DNAAF9: variants seen among roughly 807,000 people sequenced by gnomAD.
The protein encoded by DNAAF9 is shulin.
A neutral mutation model predicts 167.0 loss-of-function variants in DNAAF9; 90 were observed. The ratio of observed to expected loss-of-function variants is 0.54; its 90% CI spans 0.45 to 0.64. The LOEUF (loss-of-function observed/expected upper bound fraction) is 0.64, where lower values mean the gene tolerates loss of function less well. DNAAF9 is among the 30% of genes least tolerant of loss of function. DNAAF9 has a pLI of 0.00. For missense variants in DNAAF9, 1,315 were observed against 1,442.2 expected (o/e 0.91, Z 1.43); for synonymous variants, 491 against 508.8 (o/e 0.96, Z 0.47).
intron 10 of DNAAF9, among the ~76,000 whole-genome samples, chr20:3,336,404 GTTT>G: frequency 8.0e-6 from 1 of 125,610 alleles, no homozygotes; most frequent in South Asian, 3.0e-4. Flanking sequence ...GCTCTCTGAG[GTTT>G]TGTTCAGTTT....
intron 21 of DNAAF9, among the ~76,000 whole-genome samples, chr20:3,298,520 C>T (rs182328087): frequency 1.3e-5 from 2 of 152,182 alleles, no homozygotes; most frequent in Non-Finnish European, 2.9e-5. Flanking sequence ...GGGGCTCTCT[C>T]TGTTGCCCAG....
chr20:3,344,580 TACACACACATAC>T (rs944289066), intron 8 of DNAAF9, among the ~76,000 whole-genome samples: 3 of 98,284 alleles, frequency 3.1e-5, no homozygotes, highest in African/African-American at 8.2e-5. Flanking sequence ...ATGGAAAAAA[TACACACACATAC>T]ACACACACAC....
chr20:3,322,441 T>C (rs909783842), intron 15 of DNAAF9, among the ~76,000 whole-genome samples, 179 bp from the exon 16 acceptor site: 6 of 152,150 alleles, frequency 3.9e-5, no homozygotes, highest in African/African-American at 1.2e-4. Flanking sequence ...AAGGTGAGTA[T>C]GTCCATCCCC....
chr20:3,360,192 T>C (rs1568627145), intron 6 of DNAAF9: 1 of 152,226 alleles, frequency 6.6e-6, no homozygotes, highest in African/African-American at 2.4e-5. Flanking sequence ...CTCACTTCAT[T>C]TTATTTTTGG....
intron 20 of DNAAF9, 114 bp from the exon 21 acceptor site, chr20:3,304,657 G>C: frequency 1.6e-6 from 1 of 635,642 alleles, no homozygotes; most frequent in South Asian, 1.9e-5. Context: ...TAGCAATTAC[G>C]TTATGCGATT....
rs2069684501 is a variant in DNAAF9, at chr20:3,324,964, T to C, written c.1193A>G (p.Lys398Arg). 6 of 1,588,974 alleles carry C rather than the reference T, an allele frequency of 3.8e-6. No individual in the cohort carries two copies. The highest frequency in any genetic ancestry group is 5.2e-6 in the Non-Finnish European group (6 of 1,157,008). Residue 398 changes from lysine (K) to arginine (R), a missense_variant, in exon 14 of 37, where the codon AAG (lysine) becomes AGG (arginine). Coordinates refer to ENST00000252032, the MANE Select transcript of DNAAF9 (RefSeq NM_001009984.3). Reference protein sequence around the residue: ...YAKTSSLTKAKEVAEQTLGSG... With the variant: ...YAKTSSLTKAREVAEQTLGSG... ...TCCCAGAGTTTGCTCTGCTACCTCC[T>C]TGGCCTGTAAAATAATAAGACAGCG...
At chr20:3,336,670 C>T (rs1195768049) in intron 10 of DNAAF9, among the ~76,000 whole-genome samples, 1 of 152,102 alleles carries the variant, frequency 6.6e-6, no homozygotes, top group East Asian at 1.9e-4. Flanking sequence ...CTGCCTCAGC[C>T]TCCCGAGCAG....
At position 3,256,090 on chromosome 20, in the gene DNAAF9, C is replaced by T. The variant is rs1367763811; in HGVS notation, c.3177G>A (p.Gly1059=). 6 of 1,614,154 alleles carry T rather than the reference C, an allele frequency of 3.7e-6. No homozygotes were observed. In the South Asian group the frequency reaches 6.6e-5, roughly 18 times the overall value. Residue 1059 remains glycine (G), a synonymous_variant, in exon 34 of 37, where the codon GGG becomes GGA. Coordinates refer to ENST00000252032, the MANE Select transcript of DNAAF9 (RefSeq NM_001009984.3). ...DSKSVSQDSS[G]QQECYLVFIG... ...TGAACACAAGGTAGCACTCCTGCTG[C>T]CCGCTGCTGTCTTGAGATACGCTTT...
intron 29 of DNAAF9, among the ~76,000 whole-genome samples, chr20:3,272,853 G>A (rs772564631): frequency 3.2e-4 from 48 of 151,832 alleles, no homozygotes; most frequent in African/African-American, 1.0e-3. Context: ...ATGGAGTTTC[G>A]CTCTTGTTGC....
At chr20:3,374,209 C>A (rs905051762) in intron 5 of DNAAF9, 55 bp from the exon 6 acceptor site, 1 of 1,233,730 alleles carries the variant, frequency 8.1e-7, no homozygotes, top group African/African-American at 1.5e-5. Flanking sequence ...ATATAACAGT[C>A]TAAACCTGAC....
intron 8 of DNAAF9, among the ~76,000 whole-genome samples, chr20:3,347,625 G>A (rs1445035219): frequency 6.6e-6 from 1 of 152,120 alleles, no homozygotes; most frequent in East Asian, 1.9e-4. Context: ...GTATTGTGGA[G>A]TTTATAAAAT....
At chr20:3,314,537 G>C (rs2069470065) in intron 20 of DNAAF9, among the ~76,000 whole-genome samples, 1 of 152,174 alleles carries the variant, frequency 6.6e-6, no homozygotes, top group Non-Finnish European at 1.5e-5. Context: ...TCCTTGCTGA[G>C]ATTGGGAGAA....
chr20:3,376,946 G>A (rs902082645), intron 3 of DNAAF9, among the ~76,000 whole-genome samples: 1 of 152,214 alleles, frequency 6.6e-6, no homozygotes, highest in Non-Finnish European at 1.5e-5. Context: ...GCGCGCACCT[G>A]TAATCCCAGC....
chr20:3,342,608 C>T (rs1247599357), intron 9 of DNAAF9, among the ~76,000 whole-genome samples: 4 of 152,178 alleles, frequency 2.6e-5, no homozygotes, highest in Non-Finnish European at 5.9e-5. Context: ...CTTAAAAATA[C>T]TACCTTAAGC....
intron 29 of DNAAF9, among the ~76,000 whole-genome samples, chr20:3,278,475 C>T (rs2068709279): frequency 6.6e-6 from 1 of 152,162 alleles, no homozygotes; most frequent in Admixed American, 6.5e-5. Context: ...AATCCCAGCA[C>T]TTTGGGAGGC....
chr20:3,342,644 T>C (rs1352447627), intron 9 of DNAAF9, among the ~76,000 whole-genome samples: 1 of 152,142 alleles, frequency 6.6e-6, no homozygotes, highest in African/African-American at 2.4e-5. Flanking sequence ...CTTTTAAAAG[T>C]AAGCATGGCT....
intron 7 of DNAAF9, among the ~76,000 whole-genome samples, chr20:3,349,372 ACT>A (rs576754630): frequency 1.3e-5 from 2 of 151,928 alleles, no homozygotes; most frequent in Non-Finnish European, 2.9e-5. Flanking sequence ...ACAGAACGAG[ACT>A]CTGTCTGAAA....
At chr20:3,289,521 T>C (rs548491319) in intron 26 of DNAAF9, among the ~76,000 whole-genome samples, 200 of 152,092 alleles carry the variant, frequency 1.3e-3, no homozygotes, top group African/African-American at 4.4e-3. Flanking sequence ...ATTTTCTGTT[T>C]TTTTGTTTTG....
chr20:3,338,401 T>G (rs1173708672), intron 10 of DNAAF9, among the ~76,000 whole-genome samples: 1 of 152,092 alleles, frequency 6.6e-6, no homozygotes, highest in Admixed American at 6.6e-5. Flanking sequence ...TTTAAGAGAT[T>G]TTCTCTTTGT....
Sources: gnomAD v4.1 joint callset for allele counts (sites outside exome capture counted in the v4.1 genomes callset) on GRCh38, gnomAD v4.1.1 for gene constraint, MANE v1.5 for transcripts, NCBI Gene and HGNC (gene_info 2026-07-23, HGNC 2026-07-21) for gene names.